CADM2: variants seen among roughly 807,000 people sequenced by gnomAD.
CADM2 encodes cell adhesion molecule 2, also known as immunoglobulin superfamily member 4D.
In CADM2, 12 loss-of-function variants were observed where a neutral mutation model predicts 49.8. The observed-to-expected ratio is 0.24, with a 90% CI of 0.15 to 0.39. CADM2 has a LOEUF of 0.39. CADM2 is among the 10% of genes least tolerant of loss of function. The probability of loss-of-function intolerance (pLI) is 1.00; values close to 1 mark genes in which losing one functional copy is unlikely to be tolerated. For synonymous variants in CADM2, 214 were observed against 175.4 expected (o/e 1.22, Z -1.74); for missense variants, 378 against 492.3 (o/e 0.77, Z 2.20).
chr3:85,477,399 A>AT lies in CADM2; in HGVS notation c.62-249123_62-249122insT, dbSNP rs1553728077. ...AAGAAGAAGATTAATATGAAAAAAAAATGTTAAAATTCTTCGAAGTAGAAC... is the reference window on the plus strand; with the variant it reads ...AAGAAGAAGATTAATATGAAAAAAAATATGTTAAAATTCTTCGAAGTAGAAC... On this transcript the variant is annotated intron_variant, in intron 1 of 9. Coordinates refer to ENST00000383699, the MANE Select transcript of CADM2 (RefSeq NM_001167675.2). Among the ~76,000 whole-genome samples, 281 of 151,558 alleles carry AT rather than the reference A, an allele frequency of 1.9e-3. 2 individuals are homozygous for AT. The East Asian group carries it at 0.04, about 22-fold the overall frequency.
chr3:85,568,802 T>A (rs1419463230), intron 1 of CADM2, among the ~76,000 whole-genome samples: 1 of 151,482 alleles, frequency 6.6e-6, no homozygotes, highest in Non-Finnish European at 1.5e-5. Context: ...GAGATGGGGT[T>A]TCACCATATT....
rs368584915 is a variant in CADM2, at chr3:85,717,223, G to T, written c.62-9299G>T. ...AAGAGGTCCTTCACATCCCTTGTAAGTTGTGTTCCTAGGTATTTATTCTCT... is the reference window on the plus strand; with the variant it reads ...AAGAGGTCCTTCACATCCCTTGTAATTTGTGTTCCTAGGTATTTATTCTCT... On this transcript the variant is annotated intron_variant, in intron 1 of 9. Coordinates refer to ENST00000383699, the MANE Select transcript of CADM2 (RefSeq NM_001167675.2). Among the ~76,000 whole-genome samples the T allele has an allele frequency of 6.0e-5, 9 of 149,536 alleles. No homozygotes were observed. The South Asian group carries it at 1.1e-3, about 18-fold the overall frequency.
At chr3:85,333,615 T>C (rs976501597) in intron 1 of CADM2, among the ~76,000 whole-genome samples, 4 of 151,800 alleles carry the variant, frequency 2.6e-5, no homozygotes, top group African/African-American at 9.7e-5. Context: ...TTTTTGTTAT[T>C]AAAGAAACGT....
chr3:85,363,668 G>A (rs1436925547), intron 1 of CADM2, among the ~76,000 whole-genome samples: 1 of 152,192 alleles, frequency 6.6e-6, no homozygotes, highest in African/African-American at 2.4e-5. Flanking sequence ...CTGGAGTGCA[G>A]TGGCTCGATC....
At chr3:85,894,430 G>A (rs930052869) in intron 5 of CADM2, among the ~76,000 whole-genome samples, 4 of 151,978 alleles carry the variant, frequency 2.6e-5, no homozygotes, top group African/African-American at 9.7e-5. Context: ...ACACCAACAT[G>A]GCACATGTAT....
intron 1 of CADM2, among the ~76,000 whole-genome samples, chr3:84,971,416 C>CA (rs2031423125): frequency 1.3e-5 from 2 of 152,058 alleles, no homozygotes. Flanking sequence ...GTTTCATGTT[C>CA]ATTGGCTTGC....
intron 6 of CADM2, among the ~76,000 whole-genome samples, chr3:85,916,087 C>A (rs1718263536): frequency 6.6e-6 from 1 of 152,048 alleles, no homozygotes; most frequent in South Asian, 2.1e-4. Flanking sequence ...ATGAATCTAG[C>A]CTGTAAAATA....
chr3:85,888,502 T>C (rs991029816), intron 5 of CADM2, among the ~76,000 whole-genome samples: 1 of 152,220 alleles, frequency 6.6e-6, no homozygotes, highest in Admixed American at 6.5e-5. Context: ...TATGGTTCTA[T>C]GCAGTACTGA....
intron 1 of CADM2, among the ~76,000 whole-genome samples, chr3:85,208,404 C>A (rs2041702749): frequency 6.6e-6 from 1 of 152,054 alleles, no homozygotes; most frequent in African/African-American, 2.4e-5. Flanking sequence ...AGTAGAGCAG[C>A]TTTAATATCC....
At chr3:85,999,980 T>A (rs1422236851) in intron 8 of CADM2, among the ~76,000 whole-genome samples, 1 of 152,072 alleles carries the variant, frequency 6.6e-6, no homozygotes, top group African/African-American at 2.4e-5. Flanking sequence ...AAAAAAGAGA[T>A]GTTGAATATA....
At chr3:84,999,909 T>G (rs2033369236) in intron 1 of CADM2, among the ~76,000 whole-genome samples, 1 of 152,162 alleles carries the variant, frequency 6.6e-6, no homozygotes, top group Admixed American at 6.6e-5. Flanking sequence ...AGTAATTATA[T>G]AATTTTAGAG....
intron 1 of CADM2, among the ~76,000 whole-genome samples, chr3:85,207,088 A>G (rs3219978): frequency 1.4e-4 from 18 of 124,888 alleles, no homozygotes; most frequent in African/African-American, 3.6e-4. Context: ...GTGTGTGTGT[A>G]TGCATACACA....
At chr3:86,009,473 C>G (rs1202022795) in intron 8 of CADM2, among the ~76,000 whole-genome samples, 1 of 151,182 alleles carries the variant, frequency 6.6e-6, no homozygotes, top group Non-Finnish European at 1.5e-5. Context: ...GTGCCAGCAC[C>G]CTCTACTTCA....
chr3:85,228,627 G>T (rs962926293), intron 1 of CADM2, among the ~76,000 whole-genome samples: 5 of 151,862 alleles, frequency 3.3e-5, no homozygotes, highest in Non-Finnish European at 4.4e-5. Flanking sequence ...CACTGTGTTT[G>T]CCTGGGTATC....
intron 1 of CADM2, among the ~76,000 whole-genome samples, chr3:85,265,787 T>C (rs909253351): frequency 2.0e-5 from 3 of 152,052 alleles, no homozygotes; most frequent in African/African-American, 7.2e-5. Context: ...TAGTGTAATA[T>C]GTAGAACACT....
intron 2 of CADM2, among the ~76,000 whole-genome samples, chr3:85,781,503 C>G (rs1180343479): frequency 6.6e-6 from 1 of 152,002 alleles, no homozygotes; most frequent in Non-Finnish European, 1.5e-5. Context: ...TATTTGTTAC[C>G]TAAAGTCTTC....
intron 7 of CADM2, among the ~76,000 whole-genome samples, chr3:85,959,293 T>A (rs1407490548): frequency 2.6e-5 from 4 of 151,704 alleles, no homozygotes; most frequent in Non-Finnish European, 5.9e-5. Flanking sequence ...ACCTTCTGCA[T>A]GCTCTGCAAT....
At chr3:85,150,110 AG>A (rs1370158822) in intron 1 of CADM2, among the ~76,000 whole-genome samples, 2 of 152,202 alleles carry the variant, frequency 1.3e-5, no homozygotes, top group Non-Finnish European at 2.9e-5. Flanking sequence ...TCAACTACAT[AG>A]AGAAGCTGTT....
At chr3:85,715,680 A>T (rs1350857613) in intron 1 of CADM2, among the ~76,000 whole-genome samples, 1 of 151,886 alleles carries the variant, frequency 6.6e-6, no homozygotes, top group Non-Finnish European at 1.5e-5. Context: ...GACAGACCCC[A>T]GTGTGTGATG....
Sources: gnomAD v4.1 joint callset for allele counts (sites outside exome capture counted in the v4.1 genomes callset) on GRCh38, gnomAD v4.1.1 for gene constraint, MANE v1.5 for transcripts, NCBI Gene and HGNC (gene_info 2026-07-23, HGNC 2026-07-21) for gene names.